The following MCPH1 variants were observed in gnomAD, a reference collection of about 807,000 sequenced individuals.
MCPH1 encodes microcephalin 1.
MCPH1 carries 104 observed loss-of-function variants against 84.5 expected under a neutral mutation model. That is an observed-to-expected ratio of 1.23 (90% CI 1.05 to 1.45). The LOEUF (loss-of-function observed/expected upper bound fraction) is 1.45. Among genes scored for constraint, MCPH1 ranks in the 40% most tolerant of loss-of-function variants. The pLI, the probability that MCPH1 is intolerant of heterozygous loss-of-function variation, is 0.00. For synonymous variants in MCPH1, 514 were observed against 366.8 expected (o/e 1.40, Z -4.58); for missense variants, 1,498 against 1,005.7 (o/e 1.49, Z -6.62).
intron 12 of MCPH1, among the ~76,000 whole-genome samples, chr8:6,505,244 ATATTCTT>A (rs1586180861): frequency 2.6e-5 from 3 of 116,268 alleles, no homozygotes; most frequent in East Asian, 4.4e-4. Flanking sequence ...TATAGAATAT[ATATTCTT>A]TATATATGTT....
intron 9 of MCPH1, among the ~76,000 whole-genome samples, chr8:6,468,802 A>C (rs1406305658): frequency 6.6e-6 from 1 of 152,198 alleles, no homozygotes; most frequent in East Asian, 1.9e-4. Flanking sequence ...AAGCAACCTG[A>C]ATATTAAAAG....
intron 9 of MCPH1, among the ~76,000 whole-genome samples, chr8:6,456,697 AG>A (rs1444481743): frequency 6.7e-6 from 1 of 148,496 alleles, no homozygotes; most frequent in Non-Finnish European, 1.5e-5. Flanking sequence ...TTGAGTGTTG[AG>A]TTACTTGTTA....
intron 12 of MCPH1, chr8:6,500,262 A>G (rs934674052): frequency 1.3e-5 from 4 of 317,418 alleles, no homozygotes; most frequent in African/African-American, 8.6e-5. Flanking sequence ...GTTAATAGAA[A>G]TAGAACTGAT....
chr8:6,577,056 G>C (rs555118030), intron 12 of MCPH1, among the ~76,000 whole-genome samples: 7 of 152,222 alleles, frequency 4.6e-5, no homozygotes, highest in South Asian at 2.1e-4. Context: ...CTGGAATTAC[G>C]CTCTGGACAA....
chr8:6,430,418 T>C (rs1341100097), intron 3 of MCPH1, among the ~76,000 whole-genome samples: 1 of 152,232 alleles, frequency 6.6e-6, no homozygotes, highest in Non-Finnish European at 1.5e-5. Flanking sequence ...TTAGTGTTGT[T>C]ATAAAGATAG....
At chr8:6,505,257 ATGTT>A (rs1813133692) in intron 12 of MCPH1, among the ~76,000 whole-genome samples, 2 of 21,758 alleles carry the variant, frequency 9.2e-5, no homozygotes, top group Non-Finnish European at 1.9e-4. Flanking sequence ...TTCTTTATAT[ATGTT>A]TTATATATAT....
intron 3 of MCPH1, 97 bp downstream of exon 3, chr8:6,414,980 T>G: frequency 8.0e-7 from 1 of 1,243,000 alleles, no homozygotes; most frequent in East Asian, 2.5e-5. Flanking sequence ...TAAAGTTTGA[T>G]TTTCATCTTT....
At position 6,611,359 on chromosome 8, in the gene MCPH1, A is replaced by G. The variant is rs190494864; in HGVS notation, c.2215-10095A>G. Among the ~76,000 whole-genome samples the G allele has an allele frequency of 2.6e-5, 4 of 152,324 alleles. No individual in the cohort carries two copies. The East Asian group carries it at 7.7e-4, about 29-fold the overall frequency. ...CCCCGTTCTAACTGACCAGCGGTAA[A>G]TCAGGGGTTGCCACAACCCCCTCCT... is the stretch of plus-strand genomic sequence containing the variant. On this transcript the variant is annotated intron_variant, in intron 12 of 13. Transcript: ENST00000344683.
intron 8 of MCPH1, among the ~76,000 whole-genome samples, chr8:6,450,128 G>C (rs1224683865): frequency 6.6e-6 from 1 of 152,198 alleles, no homozygotes; most frequent in Admixed American, 6.5e-5. Flanking sequence ...ATTTGGTCAT[G>C]TCCAACTACC....
intron 1 of MCPH1, among the ~76,000 whole-genome samples, chr8:6,407,332 C>G (rs144310505): frequency 6.6e-6 from 1 of 151,936 alleles, no homozygotes; most frequent in African/African-American, 2.4e-5. Context: ...TTTTTTTAAC[C>G]GCTCTATCAA....
intron 9 of MCPH1, among the ~76,000 whole-genome samples, chr8:6,475,914 G>A (rs962065002): frequency 2.0e-5 from 3 of 152,196 alleles, no homozygotes; most frequent in Non-Finnish European, 4.4e-5. Flanking sequence ...CCAGAAAGAG[G>A]AGGTGTATAA....
At chr8:6,629,676 C>A (rs2129582011) in intron 13 of MCPH1, among the ~76,000 whole-genome samples, 1 of 152,278 alleles carries the variant, frequency 6.6e-6, no homozygotes, top group Admixed American at 6.5e-5. Flanking sequence ...GTTTAAGCCA[C>A]CCACCCTGTG....
chr8:6,500,252 G>T (rs1870), intron 12 of MCPH1: 111,222 of 336,120 alleles, frequency 0.33, 19,410 homozygotes, highest in Middle Eastern at 0.43. Context: ...TGTTTTTACT[G>T]TTAATAGAAA....
intron 12 of MCPH1, among the ~76,000 whole-genome samples, chr8:6,542,013 A>C (rs1007677849): frequency 6.6e-6 from 1 of 151,930 alleles, no homozygotes; most frequent in African/African-American, 2.4e-5. Context: ...ATCTCAAAAA[A>C]AAAAAAAAAA....
chr8:6,480,822 C>T lies in MCPH1; in HGVS notation c.2082C>T (p.Thr694=). ...TGCTTTCCGGGAAGCCACTTCGCACCCTGAATGTGCTGCTGGGAATTGCGC... is the reference window on the plus strand; with the variant it reads ...TGCTTTCCGGGAAGCCACTTCGCACTCTGAATGTGCTGCTGGGAATTGCGC... ...THVLSGKPLR[T]LNVLLGIARG... Residue 694 remains threonine (T), a synonymous_variant, in exon 11 of 14, where the codon ACC becomes ACT. Transcript: ENST00000344683. 6.2e-7 allele frequency: 1 copy of T among 1,614,174 alleles called. No homozygotes were observed. The highest frequency in any genetic ancestry group is 2.2e-5 in the East Asian group (1 of 44,882).
intron 10 of MCPH1, among the ~76,000 whole-genome samples, chr8:6,478,632 C>T (rs1167667858): frequency 1.3e-5 from 2 of 152,160 alleles, no homozygotes; most frequent in African/African-American, 4.8e-5. Flanking sequence ...TTAGCTGAGC[C>T]TTGCAGAGAC....
intron 12 of MCPH1, among the ~76,000 whole-genome samples, chr8:6,522,912 C>G (rs954350747): frequency 3.3e-5 from 5 of 152,190 alleles, no homozygotes; most frequent in African/African-American, 1.2e-4. Flanking sequence ...TAATGTGGCC[C>G]CATTCCTTCT....
rs964567815 is a variant in MCPH1, at chr8:6,646,681, C to G, written c.*3632C>G. On this transcript the variant is annotated 3_prime_UTR_variant, in exon 14 of 14. Coordinates refer to ENST00000344683, the MANE Select transcript of MCPH1 (RefSeq NM_024596.5). ...CTTTCCTGTGGAGAGCTGTCCTGTG[C>G]ACTGTAGAATGTTTAGCTGCATCCT... 6.6e-6 allele frequency: 1 copy of G among 152,186 alleles called. No homozygotes were observed. Among genetic ancestry groups the G allele is most frequent in the Non-Finnish European group, 1.5e-5 (1 of 68,042 alleles). 9.4% of individuals were successfully genotyped at this position (152,186 alleles called of 1,614,324 possible). A position where few individuals can be genotyped will look rare whatever the true frequency, so the allele number is the denominator to read the frequency against.
chr8:6,472,955 A>G (rs1807941141), intron 9 of MCPH1, among the ~76,000 whole-genome samples: 1 of 152,246 alleles, frequency 6.6e-6, no homozygotes, highest in Non-Finnish European at 1.5e-5. Flanking sequence ...AGGTAACATG[A>G]TTGTAAAGAA....
Sources: allele counts gnomAD v4.1 joint callset (sites outside exome capture counted in the v4.1 genomes callset), GRCh38; gene constraint gnomAD v4.1.1; transcripts MANE v1.5; gene names NCBI Gene and HGNC (gene_info 2026-07-23, HGNC 2026-07-21).